C8orf90: variants seen among roughly 807,000 people sequenced by gnomAD.
The protein encoded by C8orf90 is uncharacterized protein C8orf90.
chr8:141,518,729 C>G, the C8orf90 span: 1 of 456,062 alleles, frequency 2.2e-6, no homozygotes, highest in Non-Finnish European at 3.9e-6. Flanking sequence ...GTTTCCCCAG[C>G]TCTCCCGCGC....
At chr8:141,518,640 G>A in the C8orf90 span, 2 of 538,782 alleles carry the variant, frequency 3.7e-6, no homozygotes, top group Non-Finnish European at 6.6e-6. Context: ...GGAGCCCGAG[G>A]CCAGCGCTTC....
the C8orf90 span, among the ~76,000 whole-genome samples, chr8:141,515,756 C>T: frequency 1.2e-4 from 19 of 152,198 alleles, no homozygotes; most frequent in Non-Finnish European, 2.6e-4. Flanking sequence ...TCTGGCAGCT[C>T]CAACTCCCTG....
the C8orf90 span, among the ~76,000 whole-genome samples, chr8:141,515,234 C>G: frequency 7.3e-6 from 1 of 137,302 alleles, no homozygotes; most frequent in African/African-American, 2.7e-5. Context: ...ATCCATCCAT[C>G]CACCCAACCA....
chr8:141,518,220 C>CGCG, the C8orf90 span: 1 of 588,482 alleles, frequency 1.7e-6, no homozygotes, highest in Non-Finnish European at 3.0e-6. Context: ...CCGCAGGTCC[C>CGCG]GCGGCGCCCC....
At chr8:141,518,237 C>T in the C8orf90 span, 2 of 619,240 alleles carry the variant, frequency 3.2e-6, no homozygotes, top group Non-Finnish European at 2.9e-6. Flanking sequence ...CCCCCGGAGC[C>T]CGCCTTCCCG....
At chr8:141,515,006 AG>A in the C8orf90 span, among the ~76,000 whole-genome samples, 4 of 152,018 alleles carry the variant, frequency 2.6e-5, no homozygotes, top group South Asian at 8.3e-4. Flanking sequence ...TGAAGTCCCC[AG>A]GGAAGGGGTT....
At chr8:141,517,037 C>T in the C8orf90 span, among the ~76,000 whole-genome samples, 1 of 152,180 alleles carries the variant, frequency 6.6e-6, no homozygotes, top group South Asian at 2.1e-4. Flanking sequence ...AATATTTGTG[C>T]AGAGGGAAGA....
chr8:141,517,961 G>T, the C8orf90 span, among the ~76,000 whole-genome samples: 2 of 152,164 alleles, frequency 1.3e-5, no homozygotes, highest in Non-Finnish European at 2.9e-5. Context: ...TACTTAGTGA[G>T]CATCCCCTTC....
At chr8:141,514,850 T>A in the C8orf90 span, 1 of 666,986 alleles carries the variant, frequency 1.5e-6, no homozygotes, top group Non-Finnish European at 2.7e-6. Context: ...GAAGCGGCCC[T>A]CTGACCCATC....
At chr8:141,516,746 G>C in the C8orf90 span, among the ~76,000 whole-genome samples, 1 of 152,156 alleles carries the variant, frequency 6.6e-6, no homozygotes, top group Non-Finnish European at 1.5e-5. Flanking sequence ...TTGTGTGAGC[G>C]GATCTTCTCC....
the C8orf90 span, among the ~76,000 whole-genome samples, chr8:141,517,929 C>G: frequency 6.6e-6 from 1 of 152,202 alleles, no homozygotes; most frequent in African/African-American, 2.4e-5. Context: ...TCCTCGCCAT[C>G]GGGAAGGCTC....
the C8orf90 span, among the ~76,000 whole-genome samples, chr8:141,515,314 C>T: frequency 7.8e-6 from 1 of 127,660 alleles, no homozygotes; most frequent in Non-Finnish European, 1.7e-5. Flanking sequence ...ATCCATCCAT[C>T]CATCCATCCA....
the C8orf90 span, chr8:141,518,417 C>T: frequency 7.1e-5 from 48 of 672,678 alleles, no homozygotes; most frequent in South Asian, 7.3e-4. Flanking sequence ...GCCTGCGGGC[C>T]GCTCTTCTAC....
At chr8:141,517,289 G>T in the C8orf90 span, among the ~76,000 whole-genome samples, 1 of 152,250 alleles carries the variant, frequency 6.6e-6, no homozygotes, top group Non-Finnish European at 1.5e-5. Flanking sequence ...ACAGCTGCCT[G>T]GTCTGGCTCC....
chr8:141,514,932 C>T, the C8orf90 span, among the ~76,000 whole-genome samples: 17 of 151,960 alleles, frequency 1.1e-4, no homozygotes, highest in Admixed American at 2.0e-4. Context: ...TGGGGGCATG[C>T]GGGCATCAAA....
chr8:141,518,674 C>G, the C8orf90 span: 1 of 543,036 alleles, frequency 1.8e-6, no homozygotes, highest in Non-Finnish European at 3.2e-6. Flanking sequence ...CCCAGGCTGG[C>G]CCAGGCCCCG....
the C8orf90 span, chr8:141,518,576 GGGGCCC>G: frequency 2.4e-6 from 1 of 423,594 alleles, no homozygotes; most frequent in Non-Finnish European, 4.1e-6. Flanking sequence ...GCCCGCGCGC[GGGGCCC>G]GGGCCCGGCC....
chr8:141,518,311 C>A, the C8orf90 span: 2 of 669,062 alleles, frequency 3.0e-6, no homozygotes, highest in Non-Finnish European at 5.4e-6. Context: ...GCGCGCCTAC[C>A]GCGCGCTGGG....
the C8orf90 span, chr8:141,518,621 C>T: frequency 4.0e-6 from 2 of 505,238 alleles, no homozygotes; most frequent in Admixed American, 3.7e-5. Flanking sequence ...GCCCCGCCGC[C>T]GCCTTCCCGG....
Sources: allele counts gnomAD v4.1 joint callset (sites outside exome capture counted in the v4.1 genomes callset), GRCh38; gene constraint gnomAD v4.1.1; transcripts MANE v1.5; gene names NCBI Gene and HGNC (gene_info 2026-07-23, HGNC 2026-07-21).